XKR9: variants seen among roughly 807,000 people sequenced by gnomAD.
XKR9 encodes the protein XK related 9, also known as XK-related protein 9.
Under a neutral mutation model 32.0 loss-of-function variants are expected in XKR9, and 32 were observed. That is an observed-to-expected ratio of 1.00 (90% CI 0.76 to 1.34). The LOEUF (loss-of-function observed/expected upper bound fraction) is 1.34, where lower values mean the gene tolerates loss of function less well. XKR9 is among the 40% of genes most tolerant of loss of function. The pLI is 0.00. For synonymous variants in XKR9, 168 were observed against 143.4 expected (o/e 1.17, Z -1.22); for missense variants, 546 against 429.7 (o/e 1.27, Z -2.39).
At chr8:70,880,003 A>C in the XKR9 span, among the ~76,000 whole-genome samples, 22 of 152,340 alleles carry the variant, frequency 1.4e-4, 1 homozygote, top group Admixed American at 1.4e-3. Flanking sequence ...TCCATCACAT[A>C]AACAGAACCA....
the XKR9 span, among the ~76,000 whole-genome samples, chr8:70,812,469 G>A: frequency 6.6e-6 from 1 of 152,122 alleles, no homozygotes. Flanking sequence ...AGGAAATAAA[G>A]GATATTCAAT....
intron 4 of XKR9, among the ~76,000 whole-genome samples, chr8:70,720,739 G>A (rs563827701): frequency 2.4e-3 from 366 of 152,274 alleles, no homozygotes; most frequent in African/African-American, 8.6e-3. Context: ...ATGTTCATCA[G>A]GGATATTGGC....
At chr8:70,856,506 T>C in the XKR9 span, among the ~76,000 whole-genome samples, 1 of 152,048 alleles carries the variant, frequency 6.6e-6, no homozygotes, top group African/African-American at 2.4e-5. Context: ...AGACTTAGAC[T>C]CCCGCACAAT....
chr8:70,901,471 C>T, the XKR9 span, among the ~76,000 whole-genome samples: 432 of 152,254 alleles, frequency 2.8e-3, 1 homozygote, highest in Non-Finnish European at 4.5e-3. Flanking sequence ...TGAGAAGTGT[C>T]TGTTCATATC....
At chr8:70,914,668 G>C in the XKR9 span, among the ~76,000 whole-genome samples, 10 of 152,152 alleles carry the variant, frequency 6.6e-5, no homozygotes, top group African/African-American at 2.4e-4. Flanking sequence ...CCACTCATTG[G>C]CTTCCATTTT....
At chr8:70,760,556 G>A (rs1485259734) in intron 2 of XKR9, among the ~76,000 whole-genome samples, 6 of 152,122 alleles carry the variant, frequency 3.9e-5, no homozygotes. Context: ...TCCCAGGCTA[G>A]CATCAAGTGA....
At chr8:71,039,659 G>A in the XKR9 span, among the ~76,000 whole-genome samples, 2 of 152,146 alleles carry the variant, frequency 1.3e-5, no homozygotes, top group Non-Finnish European at 1.5e-5. Context: ...ATGTTTTTTA[G>A]TAGAGTGTTG....
At chr8:70,970,637 AG>A in the XKR9 span, among the ~76,000 whole-genome samples, 2 of 152,172 alleles carry the variant, frequency 1.3e-5, no homozygotes, top group Non-Finnish European at 2.9e-5. Context: ...GTCCCTGCAA[AG>A]GACATGAACT....
At chr8:70,851,238 C>T in the XKR9 span, among the ~76,000 whole-genome samples, 2,013 of 152,030 alleles carry the variant, frequency 0.013, 13 homozygotes, top group Middle Eastern at 0.051. Context: ...ATGTGAAGGA[C>T]CTATTCAAGG....
the XKR9 span, among the ~76,000 whole-genome samples, chr8:70,805,078 G>A: frequency 6.6e-6 from 1 of 152,146 alleles, no homozygotes; most frequent in Non-Finnish European, 1.5e-5. Flanking sequence ...GGCAACCAAG[G>A]TATCCAGATT....
the XKR9 span, among the ~76,000 whole-genome samples, chr8:70,894,010 GT>G: frequency 6.6e-6 from 1 of 151,984 alleles, no homozygotes; most frequent in South Asian, 2.1e-4. Context: ...CAGGGAGTTG[GT>G]TGTAGCTGTT....
the XKR9 span, among the ~76,000 whole-genome samples, chr8:71,041,844 T>C: frequency 6.6e-6 from 1 of 152,152 alleles, no homozygotes; most frequent in Non-Finnish European, 1.5e-5. Context: ...CCCTGAGGCC[T>C]CCCAGCCATG....
chr8:70,809,544 G>C, the XKR9 span, among the ~76,000 whole-genome samples: 3 of 152,160 alleles, frequency 2.0e-5, no homozygotes, highest in East Asian at 5.8e-4. Flanking sequence ...TAAAAACCTT[G>C]AAAAAAGATT....
chr8:70,722,896 A>G (rs1478552806), intron 4 of XKR9, among the ~76,000 whole-genome samples: 1 of 151,076 alleles, frequency 6.6e-6, no homozygotes, highest in Non-Finnish European at 1.5e-5. Flanking sequence ...TTTTTTTTTT[A>G]CTTTGCTTCC....
In XKR9 at chr8:70,751,289, C is replaced by T. The variant is rs568033957; in HGVS notation, n.353-38050C>T. Among the ~76,000 whole-genome samples, 12 of 152,256 alleles carry T rather than the reference C, an allele frequency of 7.9e-5. No homozygotes were observed. In the South Asian group the frequency reaches 2.5e-3, roughly 32 times the overall value. On this transcript the variant is annotated intron_variant and non_coding_transcript_variant, in intron 2 of 3. Transcript: ENST00000520273. ...GGATTACAGGCACCTGCTACCATGG[C>T]TGGCTAATTTTTGTATTTTTAGTAG...
At chr8:70,908,635 C>A in the XKR9 span, among the ~76,000 whole-genome samples, 41 of 152,324 alleles carry the variant, frequency 2.7e-4, no homozygotes, top group African/African-American at 9.6e-4. Flanking sequence ...TATTCCACTG[C>A]AGTGGGAAAG....
chr8:70,718,029 C>A (rs1024532590), intron 4 of XKR9, among the ~76,000 whole-genome samples: 1 of 152,174 alleles, frequency 6.6e-6, no homozygotes, highest in Admixed American at 6.5e-5. Flanking sequence ...CCATCTGAGA[C>A]CACCTCATCC....
chr8:70,918,651 C>A, the XKR9 span, among the ~76,000 whole-genome samples: 1 of 151,754 alleles, frequency 6.6e-6, no homozygotes, highest in Non-Finnish European at 1.5e-5. Flanking sequence ...TGAGATCATG[C>A]CACTGCACTC....
At chr8:71,059,652 A>C in the XKR9 span, among the ~76,000 whole-genome samples, 38 of 152,290 alleles carry the variant, frequency 2.5e-4, no homozygotes, top group African/African-American at 9.1e-4. Flanking sequence ...TAAAACTGAA[A>C]GTCAGTGTGA....
Sources: allele counts gnomAD v4.1 joint callset (sites outside exome capture counted in the v4.1 genomes callset), GRCh38; gene constraint gnomAD v4.1.1; transcripts MANE v1.5; gene names NCBI Gene and HGNC (gene_info 2026-07-23, HGNC 2026-07-21).